The following RFX7 variants were observed in gnomAD, a reference collection of about 807,000 sequenced individuals.
RFX7 encodes the protein regulatory factor X7, also known as DNA-binding protein RFX7.
RFX7 carries 26 observed loss-of-function variants against 111.8 expected under a neutral mutation model. The ratio of observed to expected loss-of-function variants is 0.23; its 90% confidence interval spans 0.17 to 0.32. The LOEUF is 0.32. RFX7 is among the 10% of genes least tolerant of loss of function. RFX7 has a pLI of 1.00. For synonymous variants in RFX7, 624 were observed against 624.4 expected (o/e 1.00, Z 0.01); for missense variants, 1,573 against 1,772.9 (o/e 0.89, Z 2.02).
intron 2 of RFX7, among the ~76,000 whole-genome samples, chr15:56,231,849 T>C (rs1263372357): frequency 1.3e-5 from 2 of 152,170 alleles, no homozygotes; most frequent in African/African-American, 2.4e-5. Context: ...AATACTACCA[T>C]TCCAAATGGG....
intron 5 of RFX7, among the ~76,000 whole-genome samples, chr15:56,116,693 A>G (rs1305172700): frequency 3.3e-5 from 5 of 152,230 alleles, no homozygotes; most frequent in African/African-American, 1.2e-4. Context: ...CATCAGGGAA[A>G]TGCAAGTTAA....
rs376360525 is a variant in RFX7 at position 56,243,154 on chromosome 15, C to T, written c.132G>A (p.Ala44=). The change falls in exon 2 of 10, where the codon GCG becomes GCA. Residue 44 remains alanine, a synonymous_variant. Transcript: ENST00000559447. ...VPGLPGTEAS[A]LQHKIKNSIC... is the part of the protein sequence containing the mutation. Reference sequence around the variant, plus strand: ...TGGAGTTCTTGATCTTGTGTTGCAGCGCGCTGGCCTCTGTCCCTGGCAGCC... The same window carrying T: ...TGGAGTTCTTGATCTTGTGTTGCAGTGCGCTGGCCTCTGTCCCTGGCAGCC... 1.6e-5 allele frequency: 22 copies of T among 1,361,046 alleles called. No individual in the cohort carries two copies. Among genetic ancestry groups the T allele is most frequent in the Non-Finnish European group, 2.0e-5 (20 of 1,019,486 alleles). The allele number at this position is 1,361,046 out of a possible 1,614,324, so 84.3% of individuals were successfully genotyped here. A position where few individuals can be genotyped will look rare whatever the true frequency, so the allele number is the denominator to read the frequency against.
chr15:56,229,991 C>T (rs1330665116), intron 2 of RFX7, among the ~76,000 whole-genome samples: 2 of 152,182 alleles, frequency 1.3e-5, no homozygotes, highest in East Asian at 3.9e-4. Context: ...TCCTTATCTG[C>T]CCTCACCGAC....
intron 5 of RFX7, among the ~76,000 whole-genome samples, chr15:56,107,981 A>C (rs532950152): frequency 7.2e-5 from 11 of 152,326 alleles, no homozygotes; most frequent in African/African-American, 2.4e-4. Flanking sequence ...TCCTGGACAC[A>C]TACACCCTCC....
chr15:56,156,798 T>C (rs1260469370), intron 3 of RFX7, among the ~76,000 whole-genome samples: 4 of 152,244 alleles, frequency 2.6e-5, no homozygotes, highest in African/African-American at 9.6e-5. Context: ...ACTTCTCTGA[T>C]TGATGATGAG....
At chr15:56,114,484 T>G (rs2041982029) in intron 5 of RFX7, among the ~76,000 whole-genome samples, 1 of 151,732 alleles carries the variant, frequency 6.6e-6, no homozygotes, top group Admixed American at 6.6e-5. Flanking sequence ...AAAAGAAATT[T>G]ATCGTTTTCG....
chr15:56,179,573 T>C lies in RFX7; in HGVS notation c.162-270A>G, dbSNP rs2042942261. Among the ~76,000 whole-genome samples, 4 of 152,272 alleles carry C rather than the reference T, an allele frequency of 2.6e-5. No individual in the cohort carries two copies. In the South Asian group the frequency reaches 8.3e-4, roughly 32 times the overall value. On this transcript the variant is annotated intron_variant, in intron 2 of 9. Transcript: ENST00000559447. ...ATAAACAATTAAATTTTTAACAGTG[T>C]ATAAGTGCAGATTTATTACTATACT...
At chr15:56,165,788 C>T (rs2042774949) in intron 3 of RFX7, among the ~76,000 whole-genome samples, 1 of 152,134 alleles carries the variant, frequency 6.6e-6, no homozygotes, top group East Asian at 1.9e-4. Context: ...AGAACACTGG[C>T]TGGTTAGAAA....
At chr15:56,242,086 T>C (rs1289541700) in intron 2 of RFX7, among the ~76,000 whole-genome samples, 1 of 152,264 alleles carries the variant, frequency 6.6e-6, no homozygotes, top group Admixed American at 6.5e-5. Flanking sequence ...TTTGATATTT[T>C]AGTACTCATA....
At chr15:56,161,422 T>G (rs1170515260) in intron 3 of RFX7, among the ~76,000 whole-genome samples, 4 of 152,098 alleles carry the variant, frequency 2.6e-5, no homozygotes, top group Admixed American at 6.6e-5. Flanking sequence ...CTGTGCTTAA[T>G]ATTGAGAAGT....
intron 2 of RFX7, among the ~76,000 whole-genome samples, chr15:56,198,009 G>C (rs534658327): frequency 4.6e-5 from 7 of 152,152 alleles, no homozygotes; most frequent in African/African-American, 1.7e-4. Flanking sequence ...AGAAAGCCTA[G>C]GTACAAAAAG....
intron 3 of RFX7, among the ~76,000 whole-genome samples, chr15:56,167,023 C>A (rs1266821997): frequency 5.3e-5 from 8 of 152,170 alleles, no homozygotes; most frequent in South Asian, 2.1e-4. Context: ...GCAGACTAGG[C>A]CTTTTGTACA....
At chr15:56,127,992 C>T (rs1167332993) in intron 5 of RFX7, among the ~76,000 whole-genome samples, 1 of 150,598 alleles carries the variant, frequency 6.6e-6, no homozygotes, top group Non-Finnish European at 1.5e-5. Flanking sequence ...CAAGGGAATA[C>T]TATGAAAAAC....
At chr15:56,215,216 T>C (rs1336799843) in intron 2 of RFX7, among the ~76,000 whole-genome samples, 1 of 152,224 alleles carries the variant, frequency 6.6e-6, no homozygotes, top group Non-Finnish European at 1.5e-5. Context: ...AAGTGCTATG[T>C]AAATAGCTGT....
Position 56,094,802 on chromosome 15 carries a change from A to T in RFX7, c.2926T>A (p.Ser976Thr). 2 of 1,594,396 alleles carry T rather than the reference A, an allele frequency of 1.3e-6. No homozygotes were observed. The highest frequency in any genetic ancestry group is 2.3e-5 in the South Asian group (2 of 88,082). The change falls in exon 10 of 10, where the codon TCA (serine) becomes ACA (threonine). Residue 976 changes from serine to threonine, a missense_variant. Ser to Thr is a moderately conservative substitution (Grantham distance 58, BLOSUM62 1). Coordinates refer to ENST00000559447, the MANE Select transcript of RFX7 (RefSeq NM_022841.7). ...SEMIAGSQSL[S>T]RESPCSRLAQ... is the part of the protein sequence containing the mutation. ...AGCCTGGAGCAAGGGCTCTCCCGTG[A>T]CAGACTCTGAGATCCAGCAATCATT...
intron 2 of RFX7, among the ~76,000 whole-genome samples, chr15:56,240,021 G>A (rs72740503): frequency 0.13 from 19,330 of 144,396 alleles, 1,736 homozygotes; most frequent in East Asian, 0.46. Context: ...TAACCAAAGA[G>A]GGGTACAATT....
intron 2 of RFX7, among the ~76,000 whole-genome samples, chr15:56,232,095 G>T (rs1052614075): frequency 6.6e-6 from 1 of 152,154 alleles, no homozygotes; most frequent in Non-Finnish European, 1.5e-5. Flanking sequence ...AGCTTTTCCA[G>T]GTGTGCAGGG....
intron 5 of RFX7, among the ~76,000 whole-genome samples, chr15:56,115,067 A>G (rs56303212): frequency 0.015 from 2,327 of 152,086 alleles, 76 homozygotes; most frequent in African/African-American, 0.053. Context: ...CTTGAGTGCA[A>G]TGGCGTGATT....
At chr15:56,208,943 A>T (rs1168699750) in intron 2 of RFX7, among the ~76,000 whole-genome samples, 1 of 152,148 alleles carries the variant, frequency 6.6e-6, no homozygotes, top group African/African-American at 2.4e-5. Flanking sequence ...ACATATGTGT[A>T]ATGGAAATTC....
Sources: gnomAD v4.1 joint callset for allele counts (sites outside exome capture counted in the v4.1 genomes callset) on GRCh38, gnomAD v4.1.1 for gene constraint, MANE v1.5 for transcripts, NCBI Gene and HGNC (gene_info 2026-07-23, HGNC 2026-07-21) for gene names.